ANKRD17: variants seen among roughly 807,000 people sequenced by gnomAD.
ANKRD17 encodes ankyrin repeat domain-containing protein 17.
ANKRD17 carries 19 observed loss-of-function variants against 229.7 expected under a neutral mutation model. That is an observed-to-expected ratio of 0.08 (90% CI 0.06 to 0.12). ANKRD17 has a LOEUF of 0.12. Ranked by LOEUF, ANKRD17 falls within the 10% of genes least tolerant of loss-of-function variation. The pLI, the probability that ANKRD17 is intolerant of heterozygous loss-of-function variation, is 1.00. For missense variants in ANKRD17, 2,176 were observed against 3,176.8 expected, an observed-to-expected ratio of 0.68 and a Z score of 7.57; for synonymous variants, 1,112 against 1,146.1, an observed-to-expected ratio of 0.97 and a Z score of 0.60.
chr4:73,100,138 C>T (rs1279868306), intron 25 of ANKRD17, among the ~76,000 whole-genome samples: 3 of 152,182 alleles, frequency 2.0e-5, no homozygotes, highest in African/African-American at 4.8e-5. Context: ...TTCCATTCTT[C>T]GACATCCGTT....
chr4:73,112,842 C>T (rs1179283364), intron 24 of ANKRD17: 2 of 418,290 alleles, frequency 4.8e-6, no homozygotes, highest in African/African-American at 4.3e-5. Context: ...GGCTGGAGTG[C>T]AGTGGCGTGA....
chr4:73,256,891 T>C (rs1283406985), intron 1 of ANKRD17, among the ~76,000 whole-genome samples: 1 of 152,240 alleles, frequency 6.6e-6, no homozygotes, highest in Non-Finnish European at 1.5e-5. Context: ...ACTTCAGCAC[T>C]TAATATCTCT....
intron 1 of ANKRD17, among the ~76,000 whole-genome samples, chr4:73,208,141 A>G (rs1477235119): frequency 1.4e-5 from 2 of 140,160 alleles, no homozygotes; most frequent in Non-Finnish European, 3.0e-5. Context: ...GTGAGCAGAG[A>G]TCGGGCCACT....
chr4:73,255,136 C>T (rs934921711), intron 1 of ANKRD17, among the ~76,000 whole-genome samples: 3 of 152,100 alleles, frequency 2.0e-5, no homozygotes, highest in South Asian at 2.1e-4. Context: ...TTATCTAAGA[C>T]GTGATTACCC....
chr4:73,179,488 G>GTGTGTATA (rs1491132715), intron 1 of ANKRD17, among the ~76,000 whole-genome samples: 12 of 48,210 alleles, frequency 2.5e-4, no homozygotes, highest in Admixed American at 7.4e-4. Flanking sequence ...GTGTGTGTGT[G>GTGTGTATA]TATATATATA....
intron 1 of ANKRD17, among the ~76,000 whole-genome samples, chr4:73,250,648 T>G (rs1297856568): frequency 9.5e-6 from 1 of 105,384 alleles, no homozygotes; most frequent in Non-Finnish European, 2.0e-5. Flanking sequence ...AAGACACTAA[T>G]AATGGCTCCA....
chr4:73,233,246 TCTA>T (rs1041149866), intron 1 of ANKRD17, among the ~76,000 whole-genome samples: 24 of 152,314 alleles, frequency 1.6e-4, no homozygotes, highest in East Asian at 5.8e-4. Flanking sequence ...ATGCTTGTTA[TCTA>T]CTGACTGTCC....
At chr4:73,214,398 G>A (rs953824835) in intron 1 of ANKRD17, among the ~76,000 whole-genome samples, 10 of 152,350 alleles carry the variant, frequency 6.6e-5, no homozygotes, top group African/African-American at 2.2e-4. Context: ...AGTTGTGCAA[G>A]TGTGGTCCAT....
At chr4:73,213,277 A>T (rs938308874) in intron 1 of ANKRD17, among the ~76,000 whole-genome samples, 9 of 152,200 alleles carry the variant, frequency 5.9e-5, no homozygotes, top group African/African-American at 2.2e-4. Flanking sequence ...TAGTTAGATG[A>T]ATAAGGTCAA....
At chr4:73,215,112 G>A (rs1295560903) in intron 1 of ANKRD17, among the ~76,000 whole-genome samples, 1 of 152,102 alleles carries the variant, frequency 6.6e-6, no homozygotes, top group Non-Finnish European at 1.5e-5. Context: ...ATATGAGCCT[G>A]TCATTTCAAG....
intron 1 of ANKRD17, among the ~76,000 whole-genome samples, chr4:73,195,949 G>A (rs1737810791): frequency 6.7e-6 from 1 of 150,322 alleles, no homozygotes; most frequent in African/African-American, 2.4e-5. Context: ...CTCTCCCTCT[G>A]TTAGTATGAT....
intron 1 of ANKRD17, among the ~76,000 whole-genome samples, chr4:73,199,436 C>T (rs1437461220): frequency 6.6e-6 from 1 of 152,032 alleles, no homozygotes; most frequent in African/African-American, 2.4e-5. Context: ...ATATAGAGTA[C>T]CCCTATTAAT....
At chr4:73,098,913 AG>A (rs1224292615) in intron 25 of ANKRD17, 1 of 1,099,448 alleles carries the variant, frequency 9.1e-7, no homozygotes, top group African/African-American at 1.5e-5. Flanking sequence ...AGGCCCCGCA[AG>A]CAGCCTCTGG....
intron 24 of ANKRD17, among the ~76,000 whole-genome samples, chr4:73,109,639 C>T (rs1725059151): frequency 2.0e-5 from 3 of 151,984 alleles, no homozygotes; most frequent in African/African-American, 7.3e-5. Flanking sequence ...GGAAATGCAG[C>T]ATTTTAACTA....
chr4:73,180,056 G>A (rs1354644026), intron 1 of ANKRD17, among the ~76,000 whole-genome samples: 1 of 151,916 alleles, frequency 6.6e-6, no homozygotes, highest in South Asian at 2.1e-4. Flanking sequence ...GTATGAAATT[G>A]AACAGGTAAA....
At chr4:73,108,467 G>A (rs753873574) in intron 24 of ANKRD17, among the ~76,000 whole-genome samples, 6 of 152,118 alleles carry the variant, frequency 3.9e-5, no homozygotes, top group Non-Finnish European at 8.8e-5. Flanking sequence ...AAGGCTTTTC[G>A]CTAAAAGGTA....
chr4:73,124,780 A>T, intron 18 of ANKRD17, 133 bp downstream of exon 18: 1 of 1,127,814 alleles, frequency 8.9e-7, no homozygotes, highest in South Asian at 1.8e-5. Flanking sequence ...CTTTTTGTTA[A>T]TAGATAATAG....
In ANKRD17 at chr4:73,101,090, ATTT is replaced by A. The variant is rs2148604488; in HGVS notation, c.4573+1283_4573+1285del. The A allele has an allele frequency of 2.3e-6, 2 of 852,198 alleles. 1 individual carries two copies. The highest frequency in any genetic ancestry group is 1.1e-4 in the South Asian group (2 of 18,556). The allele number at this position is 852,198 out of a possible 1,614,324, so 52.8% of individuals were successfully genotyped here. On this transcript the variant is annotated intron_variant, in intron 25 of 33. Coordinates refer to ENST00000358602, the MANE Select transcript of ANKRD17 (RefSeq NM_032217.5). ...TAAAGTATATGGGAGAATGTGCATA[ATTT>A]TTATGCAAATATTACACCATGTTAT...
chr4:73,200,932 C>T (rs1738581752), intron 1 of ANKRD17, among the ~76,000 whole-genome samples: 1 of 115,188 alleles, frequency 8.7e-6, no homozygotes, highest in Admixed American at 1.4e-4. Flanking sequence ...ACTTAGATAC[C>T]CAGAATAAAA....
Sources: gnomAD v4.1 joint callset for allele counts (sites outside exome capture counted in the v4.1 genomes callset) on GRCh38, gnomAD v4.1.1 for gene constraint, MANE v1.5 for transcripts, NCBI Gene and HGNC (gene_info 2026-07-23, HGNC 2026-07-21) for gene names.